The following ABCA7 variants were observed in gnomAD, a reference collection of about 807,000 sequenced individuals.
ABCA7 encodes the protein phospholipid-transporting ATPase ABCA7.
Under a neutral mutation model 227.6 loss-of-function variants are expected in ABCA7, and 261 were observed. The ratio of observed to expected loss-of-function variants is 1.15; its 90% CI spans 1.04 to 1.27. ABCA7 has a LOEUF of 1.27. ABCA7 is among the 50% of genes most tolerant of loss of function. ABCA7 has a pLI of 0.00. For missense variants in ABCA7, 3,331 were observed against 2,924.5 expected, an observed-to-expected ratio of 1.14 and a Z score of -3.21; for synonymous variants, 1,488 against 1,279.7, an observed-to-expected ratio of 1.16 and a Z score of -3.47.
intron 24 of ABCA7, 60 bp from the exon 25 acceptor site, chr19:1,053,728 C>G (rs1179826043): frequency 6.4e-7 from 1 of 1,565,330 alleles, no homozygotes; most frequent in East Asian, 2.3e-5. Flanking sequence ...GTGGGGGGCT[C>G]ACAAGCCCCC....
Position 1,054,830 on chromosome 19 carries a change from T to C in ABCA7, c.3902T>C (p.Leu1301Pro), listed in dbSNP as rs757512286. The C allele has an allele frequency of 7.6e-6, 12 of 1,572,646 alleles. No homozygotes were observed. The Admixed American group carries it at 2.1e-4, about 27-fold the overall frequency. Reference sequence around the variant, plus strand: ...CGTGCCCGGCTGCTCGAGGCGCTGCTGCAGGAGGCAGGACTGGAGGAGCCC... The same window carrying C: ...CGTGCCCGGCTGCTCGAGGCGCTGCCGCAGGAGGCAGGACTGGAGGAGCCC... Reference protein sequence around the residue: ...PGRARLLEALLQEAGLEEPPV... With the variant: ...PGRARLLEALPQEAGLEEPPV... Residue 1301 changes from leucine to proline, a missense_variant, in exon 29 of 47, where the codon CTG becomes CCG. Coordinates refer to ENST00000263094, the MANE Select transcript of ABCA7 (RefSeq NM_019112.4). The surrounding 1 kb of genome is among the most constrained non-coding windows in gnomAD (Gnocchi z 4.8).
Position 1,057,951 on chromosome 19 carries a change from C to T in ABCA7, c.4917C>T (p.Phe1639=), listed in dbSNP as rs779855514. The change falls in exon 36 of 47, where the codon TTC becomes TTT. Residue 1639 remains phenylalanine, a synonymous_variant. Transcript: ENST00000263094. ...SITPLMYPAS[F]FFSVPSTAYV... The stretch of plus-strand genomic sequence containing the variant: ...CACCGCTCATGTACCCAGCCTCCTT[C>T]TTCTTCTCCGTGCCCAGCACAGCCT... The T allele has an allele frequency of 1.2e-6, 2 of 1,614,058 alleles. No homozygotes were observed. Among genetic ancestry groups the T allele is most frequent in the South Asian group, 2.2e-5 (2 of 91,084 alleles).
chr19:1,053,340 C>T lies in ABCA7; in HGVS notation c.3232C>T (p.Leu1078=). 6.2e-7 allele frequency: 1 copy of T among 1,609,150 alleles called. No homozygotes were observed. Among genetic ancestry groups the T allele is most frequent in the East Asian group, 2.2e-5 (1 of 44,856 alleles). Residue 1078 remains leucine (L), a synonymous_variant, in exon 24 of 47, where the codon CTG becomes TTG. Coordinates refer to ENST00000263094, the MANE Select transcript of ABCA7 (RefSeq NM_019112.4). ...SQGSRVGTPQ[L]LALVQHWVPG... is the part of the protein sequence containing the mutation. ...CTTTGTCCACACAGGCACTCCTCAG[C>T]TGCTGGCCCTGGTACAGCACTGGGT...
chr19:1,055,896 C>G lies in ABCA7; in HGVS notation c.4206-11C>G. On this transcript the variant is annotated splice_polypyrimidine_tract_variant and intron_variant, in intron 30 of 46. Transcript: ENST00000263094. ...CCTGTCTGCCTGTGTCTCTGTCCAT[C>G]TCTCCCACAGCCTGAAGACTAAGAA... 6.3e-7 allele frequency: 1 copy of G among 1,585,810 alleles called. No individual in the cohort carries two copies. Among genetic ancestry groups the G allele is most frequent in the East Asian group, 2.2e-5 (1 of 44,554 alleles).
chr19:1,048,804 G>A (rs529858817), intron 16 of ABCA7, 91 bp from the exon 17 acceptor site: 27 of 640,514 alleles, frequency 4.2e-5, no homozygotes, highest in South Asian at 3.0e-4. Flanking sequence ...GCAAGACTCC[G>A]TCTCAAAAAA....
chr19:1,056,550 C>T lies in ABCA7; in HGVS notation c.4586+51C>T, dbSNP rs1414503140. The T allele has an allele frequency of 1.6e-5, 25 of 1,554,322 alleles. No individual in the cohort carries two copies. In the East Asian group the frequency reaches 5.4e-4, roughly 34 times the overall value. ...TACCCTGCACGTCCTACCCTGCCTC[C>T]ATTTCTCTGTCGTTTGGGGTGGTGG... On this transcript the variant is annotated intron_variant, in intron 33 of 46. Transcript: ENST00000263094. This position sits in a 1 kb window ranked among gnomAD's most constrained non-coding sequence, Gnocchi z 4.3.
In ABCA7 at chr19:1,041,433, G is replaced by A. The variant is rs759694165; in HGVS notation, c.66+6G>A. On this transcript the variant is annotated splice_donor_region_variant and intron_variant, in intron 2 of 46. Coordinates refer to ENST00000263094, the MANE Select transcript of ABCA7 (RefSeq NM_019112.4). The stretch of plus-strand genomic sequence containing the variant: ...TGTATCGCCGGAGACAGCCGGTAAC[G>A]CCCCAGTGTGAGACCAGGGCCGGGT... 1 of 1,613,980 alleles carries A rather than the reference G, an allele frequency of 6.2e-7. No individual in the cohort carries two copies. Among genetic ancestry groups the A allele is most frequent in the Admixed American group, 1.7e-5 (1 of 60,020 alleles).
chr19:1,042,689 G>A lies in ABCA7; in HGVS notation c.499-57G>A, dbSNP rs376913279. ...GGTCTGCCTGGGAACTGGCCAGAGC[G>A]CTGGACCCCTAGTGAGTGTTCAAAA... is the stretch of plus-strand genomic sequence containing the variant. On this transcript the variant is annotated intron_variant, in intron 6 of 46. Coordinates refer to ENST00000263094, the MANE Select transcript of ABCA7 (RefSeq NM_019112.4). The A allele has an allele frequency of 3.1e-5, 48 of 1,546,306 alleles. No homozygotes were observed. In the Admixed American group the frequency reaches 5.5e-4, roughly 18 times the overall value.
At chr19:1,058,796 A>T in intron 38 of ABCA7, 24 bp from the exon 39 acceptor site, 9 of 1,595,604 alleles carry the variant, frequency 5.6e-6, no homozygotes, top group Non-Finnish European at 7.7e-6. Context: ...ACCTACTTTA[A>T]GCCCACAGAT....
chr19:1,065,478 G>A lies in ABCA7; in HGVS notation c.*53G>A. 1 of 1,598,842 alleles carries A rather than the reference G, an allele frequency of 6.3e-7. No individual in the cohort carries two copies. On this transcript the variant is annotated 3_prime_UTR_variant, in exon 47 of 47. Coordinates refer to ENST00000263094, the MANE Select transcript of ABCA7 (RefSeq NM_019112.4). ...AGGCCCTGGGAATGGCAAGGGCAAG[G>A]TAGAGTGCCTAGGAGCCCTGGACTC...
At position 1,047,489 on chromosome 19, in the gene ABCA7, G is replaced by T. The variant is rs891238545; in HGVS notation, c.2104G>T (p.Glu702Ter). The T allele has an allele frequency of 1.9e-6, 3 of 1,573,170 alleles. No individual in the cohort carries two copies. Among genetic ancestry groups the T allele is most frequent in the Non-Finnish European group, 2.6e-6 (3 of 1,164,778 alleles). The change falls in exon 16 of 47, where the codon GAG (glutamate) becomes TAG (stop). Residue 702 changes from glutamate (E) to a stop codon, truncating the protein, a stop_gained. Transcript: ENST00000263094. LOFTEE classifies it high-confidence loss of function. ...LSPVAFGFGCESLALLEEQGE... is the reference protein window; with the variant it reads ...LSPVAFGFGC ...GCCCGTGGCCTTCGGCTTCGGCTGCGAGAGCCTGGCTCTGCTGGAGGAGCA... is the reference window on the plus strand; with the variant it reads ...GCCCGTGGCCTTCGGCTTCGGCTGCTAGAGCCTGGCTCTGCTGGAGGAGCA...
chr19:1,051,797 T>G, intron 21 of ABCA7, 145 bp from the exon 22 acceptor site: 4 of 1,219,402 alleles, frequency 3.3e-6, no homozygotes, highest in Non-Finnish European at 4.5e-6. Flanking sequence ...CCAGAAAAGG[T>G]TTCCAACAAG....
At chr19:1,061,953 C>G in intron 41 of ABCA7, 65 bp downstream of exon 41, 2 of 1,482,288 alleles carry the variant, frequency 1.3e-6, no homozygotes, top group Non-Finnish European at 1.8e-6. Context: ...TGCTTCCCCA[C>G]CCCTCCACCT....
chr19:1,053,330 C>T lies in ABCA7; in HGVS notation c.3222C>T (p.Gly1074=). The T allele has an allele frequency of 1.2e-6, 2 of 1,608,070 alleles. No individual in the cohort carries two copies. Among genetic ancestry groups the T allele is most frequent in the East Asian group, 4.5e-5 (2 of 44,848 alleles). ...TGAAGCACCCCTTTGTCCACACAGG[C>T]ACTCCTCAGCTGCTGGCCCTGGTAC... The part of the protein sequence containing the change: ...KKNGSQGSRV[G]TPQLLALVQH... Residue 1074 remains glycine (G), a splice_region_variant and synonymous_variant, in exon 24 of 47, where the codon GGC becomes GGT. Coordinates refer to ENST00000263094, the MANE Select transcript of ABCA7 (RefSeq NM_019112.4).
At chr19:1,057,757 G>A (rs28613552) in intron 35 of ABCA7, among the ~76,000 whole-genome samples, 158 bp from the exon 36 acceptor site, 1 of 149,344 alleles carries the variant, frequency 6.7e-6, no homozygotes. Flanking sequence ...AAGAAAGAGA[G>A]AGAAAGAGAA....
Position 1,047,007 on chromosome 19 carries a change from C to G in ABCA7, c.1828C>G (p.Leu610Val). Residue 610 changes from leucine (L) to valine (V), a missense_variant, in exon 14 of 47, where the codon CTG becomes GTG. Coordinates refer to ENST00000263094, the MANE Select transcript of ABCA7 (RefSeq NM_019112.4). ...LGPFLLSAAL[L>V]VLVLKLGDIL... is the part of the protein sequence containing the mutation. Reference sequence around the variant, plus strand: ...GCCCTTCCTGCTCAGCGCCGCACTGCTGGTTCTGGTGCTCAAGGTGGGCGC... The same window carrying G: ...GCCCTTCCTGCTCAGCGCCGCACTGGTGGTTCTGGTGCTCAAGGTGGGCGC... The G allele has an allele frequency of 6.4e-7, 1 of 1,569,104 alleles. No homozygotes were observed. The highest frequency in any genetic ancestry group is 8.6e-7 in the Non-Finnish European group (1 of 1,160,298).
At chr19:1,064,891 GA>G in intron 45 of ABCA7, 39 bp from the exon 46 acceptor site, 1 of 1,541,144 alleles carries the variant, frequency 6.5e-7, no homozygotes. Flanking sequence ...TGGGACCTGG[GA>G]AAGGCCCGAT....
chr19:1,057,048 C>G lies in ABCA7; in HGVS notation c.4728C>G (p.Pro1576=), dbSNP rs375075592. 6.2e-7 allele frequency: 1 copy of G among 1,613,680 alleles called. No homozygotes were observed. Among genetic ancestry groups the G allele is most frequent in the Non-Finnish European group, 8.5e-7 (1 of 1,179,974 alleles). The stretch of plus-strand genomic sequence containing the variant: ...TGCAGCTCATGGGGGGCCTGTCCCC[C>G]ACCCTCTACTGGCTTGGCAACTTTC... The part of the protein sequence containing the change: ...KHLQLMGGLS[P]TLYWLGNFLW... The change falls in exon 34 of 47, where the codon CCC becomes CCG. Residue 1576 remains proline, a synonymous_variant. Transcript: ENST00000263094.
intron 40 of ABCA7, among the ~76,000 whole-genome samples, chr19:1,059,632 C>T (rs527940602): frequency 3.4e-5 from 5 of 148,836 alleles, no homozygotes; most frequent in Non-Finnish European, 3.0e-5. Context: ...GGTGAGATCT[C>T]GGCTCACTAC....
Sources: allele counts gnomAD v4.1 joint callset (sites outside exome capture counted in the v4.1 genomes callset), GRCh38; gene constraint gnomAD v4.1.1; non-coding constraint Gnocchi (gnomAD v3.1); transcripts MANE v1.5; gene names NCBI Gene and HGNC (gene_info 2026-07-23, HGNC 2026-07-21).